MRTFA: variants seen among roughly 807,000 people sequenced by gnomAD.
MRTFA encodes myocardin-related transcription factor A.
In MRTFA, 20 loss-of-function variants were observed where a neutral mutation model predicts 83.5. That is an observed-to-expected ratio of 0.24 (90% CI 0.17 to 0.35). The LOEUF is 0.35. Among genes scored for constraint, MRTFA ranks in the 10% least tolerant of loss-of-function variants. MRTFA has a pLI of 1.00. For synonymous variants in MRTFA, 659 were observed against 541.2 expected, an observed-to-expected ratio of 1.22 and a Z score of -3.02; for missense variants, 1,200 against 1,224.7, an observed-to-expected ratio of 0.98 and a Z score of 0.30.
intron 3 of MRTFA, chr22:40,526,739 G>C (rs1457470811): frequency 6.6e-6 from 1 of 152,174 alleles, no homozygotes; most frequent in Non-Finnish European, 1.5e-5. Flanking sequence ...TTGAACCTCA[G>C]TTTCCTCTGT....
chr22:40,517,492 G>T (rs182957359), intron 3 of MRTFA, among the ~76,000 whole-genome samples: 1 of 152,248 alleles, frequency 6.6e-6, no homozygotes, highest in Non-Finnish European at 1.5e-5. Context: ...TCTTAACCCA[G>T]GCCAGCTGGG....
chr22:40,503,907 G>A (rs1398914702), intron 3 of MRTFA, among the ~76,000 whole-genome samples: 2 of 151,206 alleles, frequency 1.3e-5, no homozygotes, highest in African/African-American at 4.9e-5. Context: ...GGGCAACAGA[G>A]CAAGACTGTC....
chr22:40,515,474 A>T (rs1358864318), intron 3 of MRTFA, among the ~76,000 whole-genome samples: 1 of 151,798 alleles, frequency 6.6e-6, no homozygotes, highest in African/African-American at 2.4e-5. Context: ...CAGGTGGATC[A>T]CTTGAGGCCA....
intron 4 of MRTFA, among the ~76,000 whole-genome samples, chr22:40,438,282 T>C (rs959869030): frequency 6.6e-6 from 1 of 152,208 alleles, no homozygotes; most frequent in African/African-American, 2.4e-5. Context: ...TGTGTCGATA[T>C]ATTCAGGTGT....
chr22:40,595,517 C>T (rs939099846), intron 1 of MRTFA, among the ~76,000 whole-genome samples: 1 of 152,156 alleles, frequency 6.6e-6, no homozygotes, highest in Non-Finnish European at 1.5e-5. Flanking sequence ...TCATCATTTA[C>T]TTCTTGAGTC....
chr22:40,420,485 G>A lies in MRTFA; in HGVS notation c.1273C>T (p.Pro425Ser), dbSNP rs1268143194. ...CTGTTCTGACGTGCCAGCCCACAGG[G>A]CCCAGGGGCGCCCGAGCTGGAGCTG... Residue 425 changes from proline to serine, a missense_variant, in exon 11 of 15, where the codon CCC becomes TCC. By Grantham distance (74) the Pro-to-Ser change is moderately conservative. This residue lies in a region of MRTFA where 1,107 missense variants were observed against 1,041.8 expected (regional missense o/e 1.06). Coordinates refer to ENST00000355630, the MANE Select transcript of MRTFA (RefSeq NM_020831.6). 1.9e-6 allele frequency: 3 copies of A among 1,613,762 alleles called. No individual in the cohort carries two copies. The East Asian group carries it at 6.7e-5, about 36-fold the overall frequency.
chr22:40,628,708 T>A (rs1358252309), intron 1 of MRTFA, among the ~76,000 whole-genome samples: 2 of 151,786 alleles, frequency 1.3e-5, no homozygotes, highest in African/African-American at 4.8e-5. Context: ...ATTCTACAGA[T>A]CTTCTATTAC....
rs1189933906 is a variant in MRTFA, at chr22:40,498,273, ATTTTTTTTTTTT to A, written c.242-34999_242-34988del. Among the ~76,000 whole-genome samples the A allele has an allele frequency of 9.8e-5, 4 of 40,980 alleles. 1 individual carries two copies. The highest frequency in any genetic ancestry group is 1.7e-4 in the Non-Finnish European group (4 of 23,578). 26.9% of individuals were successfully genotyped at this position (40,980 alleles called of 152,430 possible). On this transcript the variant is annotated intron_variant, in intron 3 of 14. Transcript: ENST00000355630. ...ACTTCATATATATATATATATATAT[ATTTTTTTTTTTT>A]TTTTTTTTTTTTTTTTTGAGGCAGG...
chr22:40,625,993 CTT>C (rs1210956331), intron 1 of MRTFA, among the ~76,000 whole-genome samples: 1 of 149,266 alleles, frequency 6.7e-6, no homozygotes, highest in Admixed American at 6.7e-5. Flanking sequence ...ATAACCCTTA[CTT>C]TTTTTTTTGA....
At chr22:40,478,858 G>A (rs2054042301) in intron 3 of MRTFA, among the ~76,000 whole-genome samples, 2 of 152,096 alleles carry the variant, frequency 1.3e-5, no homozygotes, top group African/African-American at 4.8e-5. Context: ...CCCTTAGATT[G>A]ACCCCAGGAG....
intron 5 of MRTFA, chr22:40,433,519 G>GC (rs1163564675): frequency 3.8e-5 from 6 of 156,382 alleles, no homozygotes; most frequent in African/African-American, 1.4e-4. Flanking sequence ...AAATACAACA[G>GC]CATCTCAGAG....
chr22:40,539,858 T>A (rs2055258638), intron 3 of MRTFA, among the ~76,000 whole-genome samples: 1 of 151,896 alleles, frequency 6.6e-6, no homozygotes, highest in South Asian at 2.1e-4. Flanking sequence ...ATTTTATAAA[T>A]TCCTTAATAT....
chr22:40,571,026 CAAAAAAAAAAAAAAA>C (rs71199292), intron 2 of MRTFA, among the ~76,000 whole-genome samples: 8,763 of 47,138 alleles, frequency 0.19, 521 homozygotes, highest in East Asian at 0.42. Context: ...CCTGTCTCTA[CAAAAAAAAAAAAAAA>C]AAAAAAAAAA....
intron 4 of MRTFA, among the ~76,000 whole-genome samples, chr22:40,441,935 G>A (rs978054307): frequency 6.6e-6 from 1 of 152,130 alleles, no homozygotes; most frequent in Non-Finnish European, 1.5e-5. Context: ...TGTGATGACA[G>A]CGCAGGGGCC....
chr22:40,445,431 T>A (rs908533896), intron 4 of MRTFA, among the ~76,000 whole-genome samples: 16 of 152,230 alleles, frequency 1.1e-4, no homozygotes, highest in African/African-American at 3.6e-4. Flanking sequence ...CCTGAAAAAA[T>A]TAATTCAATA....
At chr22:40,497,904 C>T (rs925280455) in intron 3 of MRTFA, among the ~76,000 whole-genome samples, 1 of 152,140 alleles carries the variant, frequency 6.6e-6, no homozygotes, top group African/African-American at 2.4e-5. Context: ...GAGGCCAAGG[C>T]TGGTGGACTG....
At chr22:40,484,811 A>G (rs2147190889) in intron 3 of MRTFA, among the ~76,000 whole-genome samples, 1 of 152,068 alleles carries the variant, frequency 6.6e-6, no homozygotes, top group East Asian at 1.9e-4. Context: ...GGTGGCTCAC[A>G]CCTGTAATCC....
chr22:40,635,942 TG>T, intron 1 of MRTFA, among the ~76,000 whole-genome samples: 1 of 152,324 alleles, frequency 6.6e-6, no homozygotes, highest in Non-Finnish European at 1.5e-5. Flanking sequence ...ATCAGCGTCC[TG>T]ACAGACGCTT....
intron 2 of MRTFA, among the ~76,000 whole-genome samples, chr22:40,560,057 G>C (rs1484267073): frequency 6.6e-6 from 1 of 152,086 alleles, no homozygotes; most frequent in Non-Finnish European, 1.5e-5. Flanking sequence ...GATTTCAAAA[G>C]TTTCAGGATA....
Sources: allele counts gnomAD v4.1 joint callset (sites outside exome capture counted in the v4.1 genomes callset), GRCh38; gene constraint gnomAD v4.1.1; regional missense constraint gnomAD v4.1.1; transcripts MANE v1.5; gene names NCBI Gene and HGNC (gene_info 2026-07-23, HGNC 2026-07-21).